Variants in MED13 observed in about 807,000 individuals in gnomAD.
MED13 encodes the protein mediator complex subunit 13, also known as mediator of RNA polymerase II transcription subunit 13.
A neutral mutation model predicts 225.2 loss-of-function variants in MED13; 23 were observed. The ratio of observed to expected loss-of-function variants is 0.10; its 90% CI spans 0.07 to 0.14. The LOEUF is 0.14. Among genes scored for constraint, MED13 ranks in the 10% least tolerant of loss-of-function variants. The pLI, the probability that MED13 is intolerant of heterozygous loss-of-function variation, is 1.00. For synonymous variants in MED13, 942 were observed against 889.2 expected (o/e 1.06, Z -1.06); for missense variants, 2,197 against 2,594.5 (o/e 0.85, Z 3.33).
intron 3 of MED13, among the ~76,000 whole-genome samples, chr17:62,041,034 G>C (rs1455103684): frequency 6.6e-6 from 1 of 152,176 alleles, no homozygotes; most frequent in African/African-American, 2.4e-5. Context: ...CTTCTGGGTA[G>C]ACACCCAAAG....
chr17:61,949,074 C>T (rs988651676), intron 28 of MED13, among the ~76,000 whole-genome samples: 5 of 148,810 alleles, frequency 3.4e-5, no homozygotes, highest in Admixed American at 2.7e-4. Context: ...GGCGACAGAG[C>T]GAGACTCCGT....
chr17:62,042,973 G>C (rs2080866367), intron 3 of MED13, among the ~76,000 whole-genome samples: 2 of 151,720 alleles, frequency 1.3e-5, no homozygotes, highest in Admixed American at 6.6e-5. Context: ...AACATGGCCA[G>C]CAGAGAAACC....
In MED13 at chr17:61,965,191, A is replaced by G; in HGVS notation, c.4659T>C (p.Asn1553=). ...SSNLNSGVSS[N]KLPSFPPFGS... ...CAAAGGGTGGAAACGAAGGTAGTTTATTTGATGATACTCCACTATTCAAGT... is the reference window on the plus strand; with the variant it reads ...CAAAGGGTGGAAACGAAGGTAGTTTGTTTGATGATACTCCACTATTCAAGT... Residue 1553 remains asparagine, a synonymous_variant, in exon 20 of 30, where the codon AAT becomes AAC. Coordinates refer to ENST00000397786, the MANE Select transcript of MED13 (RefSeq NM_005121.3). 1 of 1,614,208 alleles carries G rather than the reference A, an allele frequency of 6.2e-7. No homozygotes were observed. The highest frequency in any genetic ancestry group is 8.5e-7 in the Non-Finnish European group (1 of 1,180,026).
chr17:61,973,554 T>C (rs2080127412), intron 16 of MED13, among the ~76,000 whole-genome samples: 1 of 152,214 alleles, frequency 6.6e-6, no homozygotes. Context: ...GATATTGATA[T>C]AATAAATGTG....
intron 16 of MED13, among the ~76,000 whole-genome samples, chr17:61,975,315 AAAG>A (rs1158902618): frequency 2.0e-5 from 3 of 152,350 alleles, no homozygotes; most frequent in Admixed American, 1.3e-4. Flanking sequence ...TCATTTCTCC[AAAG>A]AAGATATACA....
At chr17:61,998,584 T>A (rs1197799500) in intron 9 of MED13, among the ~76,000 whole-genome samples, 2 of 148,780 alleles carry the variant, frequency 1.3e-5, no homozygotes, top group Admixed American at 1.3e-4. Context: ...AATGTCAAAA[T>A]CTTCCCACCG....
At chr17:62,025,765 A>G (rs537161333) in intron 8 of MED13, among the ~76,000 whole-genome samples, 4 of 152,214 alleles carry the variant, frequency 2.6e-5, no homozygotes, top group Non-Finnish European at 5.9e-5. Flanking sequence ...TCTTATACAA[A>G]TTATGTTCAG....
At chr17:61,991,666 C>G (rs1269783446) in intron 11 of MED13, among the ~76,000 whole-genome samples, 2 of 152,238 alleles carry the variant, frequency 1.3e-5, no homozygotes, top group East Asian at 3.9e-4. Context: ...TGCCTCCATG[C>G]CCAGCTAATT....
chr17:61,951,312 T>C (rs2079894492), intron 27 of MED13, among the ~76,000 whole-genome samples: 1 of 152,214 alleles, frequency 6.6e-6, no homozygotes. Context: ...ATGACATCTT[T>C]AACTTTTTTG....
chr17:62,033,841 G>A lies in MED13; in HGVS notation c.760C>T (p.Gln254Ter). The change falls in exon 5 of 30, where the codon CAG becomes TAG. Residue 254 changes from glutamine to a stop codon, truncating the protein, a stop_gained. Transcript: ENST00000397786. LOFTEE classifies it high-confidence loss of function. ...CCLKEMSEEK[Q>*]EDMDWEDDSL... ...TCATCTTCCCAATCCATATCTTCCTGTTTTTCTTCAGACATCTCCTTCAAG... is the reference window on the plus strand; with the variant it reads ...TCATCTTCCCAATCCATATCTTCCTATTTTTCTTCAGACATCTCCTTCAAG... 1 of 1,614,036 alleles carries A rather than the reference G, an allele frequency of 6.2e-7. No individual in the cohort carries two copies. The highest frequency in any genetic ancestry group is 8.5e-7 in the Non-Finnish European group (1 of 1,179,986).
intron 2 of MED13, among the ~76,000 whole-genome samples, chr17:62,057,360 G>C (rs1176572903): frequency 1.3e-5 from 2 of 151,962 alleles, no homozygotes; most frequent in Admixed American, 6.6e-5. Context: ...TTTAAAAACA[G>C]CCTAGTATGT....
At chr17:62,064,298 C>A (rs1354110652) in intron 1 of MED13, among the ~76,000 whole-genome samples, 2 of 152,202 alleles carry the variant, frequency 1.3e-5, no homozygotes, top group African/African-American at 4.8e-5. Context: ...CTTCTGAAAG[C>A]CTTAACTGTT....
intron 3 of MED13, among the ~76,000 whole-genome samples, chr17:62,043,834 T>C (rs1366591454): frequency 6.6e-6 from 1 of 152,252 alleles, no homozygotes; most frequent in Non-Finnish European, 1.5e-5. Flanking sequence ...TTAAAAAATA[T>C]ATTACAATTA....
In MED13 at chr17:62,033,872, T is replaced by C. The variant is rs756823041; in HGVS notation, c.729A>G (p.Ser243=). ...CTTCAGACATCTCCTTCAAGCAACATGAGATAGGATAGAACTGTTTCCATT... is the reference window on the plus strand; with the variant it reads ...CTTCAGACATCTCCTTCAAGCAACACGAGATAGGATAGAACTGTTTCCATT... The part of the protein sequence containing the change: ...IGEWKQFYPI[S]CCLKEMSEEK... The change falls in exon 5 of 30, where the codon TCA becomes TCG. Residue 243 remains serine, a synonymous_variant. Coordinates refer to ENST00000397786, the MANE Select transcript of MED13 (RefSeq NM_005121.3). 4.3e-6 allele frequency: 7 copies of C among 1,613,152 alleles called. No homozygotes were observed. The highest frequency in any genetic ancestry group is 1.7e-6 in the Non-Finnish European group (2 of 1,179,326).
chr17:62,015,943 TATATATATATA>T (rs1416990704), intron 8 of MED13, among the ~76,000 whole-genome samples: 3 of 11,132 alleles, frequency 2.7e-4, no homozygotes, highest in African/African-American at 5.0e-4. Flanking sequence ...TATATATATA[TATATATATATA>T]TTTTTTTTTT....
intron 16 of MED13, among the ~76,000 whole-genome samples, chr17:61,980,359 T>G (rs73334680): frequency 0.019 from 2,877 of 152,206 alleles, 78 homozygotes; most frequent in African/African-American, 0.066. Flanking sequence ...TACTCTACAG[T>G]TTATTTCATC....
At chr17:62,046,706 G>A (rs1023908218) in intron 3 of MED13, among the ~76,000 whole-genome samples, 9 of 152,012 alleles carry the variant, frequency 5.9e-5, no homozygotes, top group African/African-American at 1.9e-4. Context: ...CCTTGGTAGC[G>A]TGCACCTGTG....
chr17:61,962,722 A>G (rs1389470142), intron 21 of MED13, 30 bp downstream of exon 21: 1 of 1,592,378 alleles, frequency 6.3e-7, no homozygotes, highest in Admixed American at 1.7e-5. Context: ...GTTTTACATA[A>G]TTTTAACTCA....
At chr17:62,043,461 A>G (rs1482761312) in intron 3 of MED13, among the ~76,000 whole-genome samples, 2 of 152,152 alleles carry the variant, frequency 1.3e-5, no homozygotes, top group Non-Finnish European at 2.9e-5. Flanking sequence ...AATTTAGCAG[A>G]GAGTTCATAC....
Sources: allele counts gnomAD v4.1 joint callset (sites outside exome capture counted in the v4.1 genomes callset), GRCh38; gene constraint gnomAD v4.1.1; transcripts MANE v1.5; gene names NCBI Gene and HGNC (gene_info 2026-07-23, HGNC 2026-07-21).